Variants in PPFIA1 observed in about 807,000 individuals in gnomAD.
PPFIA1 encodes the protein liprin-alpha-1.
PPFIA1 carries 25 observed loss-of-function variants against 149.9 expected under a neutral mutation model. That is an observed-to-expected ratio of 0.17 (90% CI 0.12 to 0.23). PPFIA1 has a LOEUF of 0.23. Ranked by LOEUF, PPFIA1 falls within the 10% of genes least tolerant of loss-of-function variation. The pLI, the probability that PPFIA1 is intolerant of heterozygous loss-of-function variation, is 1.00. For synonymous variants in PPFIA1, 549 were observed against 552.8 expected, an observed-to-expected ratio of 0.99 and a Z score of 0.10; for missense variants, 1,362 against 1,506.5, an observed-to-expected ratio of 0.90 and a Z score of 1.59.
At position 70,356,165 on chromosome 11, in the gene PPFIA1, T is replaced by C. The variant is rs762348894; in HGVS notation, c.2493T>C (p.Gly831=). The change falls in exon 19 of 28, where the codon GGT becomes GGC. Residue 831 remains glycine (G), a synonymous_variant. Coordinates refer to ENST00000253925, the MANE Select transcript of PPFIA1 (RefSeq NM_003626.5). ...QTGKEALGQA[G]VSETDNSSQD... ...GGCTGTTCTGCTTCCTCACAGCTGG[T>C]GTTTCCGAGACGGATAACTCATCTC... The C allele has an allele frequency of 4.3e-6, 7 of 1,613,768 alleles. No homozygotes were observed. The highest frequency in any genetic ancestry group is 5.9e-6 in the Non-Finnish European group (7 of 1,179,774).
intron 2 of PPFIA1, among the ~76,000 whole-genome samples, chr11:70,305,457 G>A (rs946645964): frequency 6.6e-6 from 1 of 151,884 alleles, no homozygotes; most frequent in Middle Eastern, 3.2e-3. Flanking sequence ...CTGCAGCCTC[G>A]ACCTCCTGGG....
At chr11:70,376,956 G>A (rs916213415) in intron 25 of PPFIA1, among the ~76,000 whole-genome samples, 1 of 151,744 alleles carries the variant, frequency 6.6e-6, no homozygotes, top group Non-Finnish European at 1.5e-5. Context: ...GCCTATAATC[G>A]CAGCTACTTG....
At chr11:70,371,035 A>G (rs1424350889) in intron 21 of PPFIA1, among the ~76,000 whole-genome samples, 8 of 152,146 alleles carry the variant, frequency 5.3e-5, no homozygotes, top group Non-Finnish European at 7.3e-5. Flanking sequence ...CGGGAGGCTG[A>G]GGCCGGAGAA....
At chr11:70,351,168 C>T (rs1024939522) in intron 16 of PPFIA1, 1 of 295,136 alleles carries the variant, frequency 3.4e-6, no homozygotes, top group Non-Finnish European at 5.5e-6. Context: ...AGTGACCTAG[C>T]ACCTTACTGA....
At chr11:70,301,748 A>G (rs2052497585) in intron 2 of PPFIA1, among the ~76,000 whole-genome samples, 1 of 152,172 alleles carries the variant, frequency 6.6e-6, no homozygotes, top group Non-Finnish European at 1.5e-5. Flanking sequence ...ACCTTCGTTT[A>G]CAGTTGTGTA....
At chr11:70,277,545 C>T (rs1411557542) in intron 2 of PPFIA1, among the ~76,000 whole-genome samples, 1 of 151,150 alleles carries the variant, frequency 6.6e-6, no homozygotes, top group Non-Finnish European at 1.5e-5. Flanking sequence ...GGCTGAAGTG[C>T]AGTGGCACGA....
chr11:70,298,723 G>C lies in PPFIA1; in HGVS notation c.265-25679G>C, dbSNP rs114035236. ...AGAGCTTCCCTGCCTCCCCACCTTAGAGTGCTGGTTCTCCTGTGCTGTGAC... is the reference window on the plus strand; with the variant it reads ...AGAGCTTCCCTGCCTCCCCACCTTACAGTGCTGGTTCTCCTGTGCTGTGAC... On this transcript the variant is annotated intron_variant, in intron 2 of 27. Transcript: ENST00000253925. Among the ~76,000 whole-genome samples the C allele has an allele frequency of 1.9e-3, 292 of 152,238 alleles. 2 individuals are homozygous for C. Among genetic ancestry groups the C allele is most frequent in the African/African-American group, 6.5e-3 (271 of 41,530 alleles).
At chr11:70,359,454 T>C (rs1418230620) in intron 19 of PPFIA1, among the ~76,000 whole-genome samples, 4 of 152,214 alleles carry the variant, frequency 2.6e-5, no homozygotes, top group Non-Finnish European at 5.9e-5. Context: ...CACAGAACTG[T>C]ACTTGTGGTG....
chr11:70,308,480 T>A (rs2053029101), intron 2 of PPFIA1, among the ~76,000 whole-genome samples: 1 of 152,258 alleles, frequency 6.6e-6, no homozygotes, highest in Non-Finnish European at 1.5e-5. Flanking sequence ...ATATTTTATA[T>A]TCCTGTAAGC....
At chr11:70,324,341 A>G (rs1344320872) in intron 2 of PPFIA1, 61 bp from the exon 3 acceptor site, 4 of 1,296,936 alleles carry the variant, frequency 3.1e-6, no homozygotes, top group Non-Finnish European at 4.4e-6. Context: ...TGGAGCCTTG[A>G]TGAAAGGCTT....
chr11:70,372,197 TCC>T lies in PPFIA1; in HGVS notation c.2866-17_2866-16del, dbSNP rs1168232651. 2 of 1,587,388 alleles carry T rather than the reference TCC, an allele frequency of 1.3e-6. No individual in the cohort carries two copies. Among genetic ancestry groups the T allele is most frequent in the South Asian group, 1.2e-5 (1 of 86,562 alleles). ...GAGACTTCCTCTGTAACTGACCTTT[TCC>T]ATTTATGAAAAGCAGACACTCGCCT... is the stretch of plus-strand genomic sequence containing the variant. On this transcript the variant is annotated splice_polypyrimidine_tract_variant and intron_variant, in intron 21 of 27. Coordinates refer to ENST00000253925, the MANE Select transcript of PPFIA1 (RefSeq NM_003626.5).
chr11:70,280,641 C>T (rs560801381), intron 2 of PPFIA1, among the ~76,000 whole-genome samples: 1 of 152,308 alleles, frequency 6.6e-6, no homozygotes, highest in Admixed American at 6.5e-5. Flanking sequence ...GATCACTGTT[C>T]ACTGCAGCCT....
intron 2 of PPFIA1, among the ~76,000 whole-genome samples, chr11:70,289,446 C>G (rs1354218436): frequency 1.3e-5 from 2 of 152,132 alleles, no homozygotes; most frequent in African/African-American, 2.4e-5. Context: ...TTTTCCTTAT[C>G]TATGATATTC....
intron 2 of PPFIA1, among the ~76,000 whole-genome samples, chr11:70,302,733 G>A (rs1371542347): frequency 6.7e-6 from 1 of 149,870 alleles, no homozygotes; most frequent in South Asian, 2.1e-4. Context: ...TATCAGGAAT[G>A]TAAATGTAAA....
At chr11:70,325,401 A>G in intron 4 of PPFIA1, 99 bp from the exon 5 acceptor site, 1 of 683,950 alleles carries the variant, frequency 1.5e-6, no homozygotes, top group Admixed American at 2.9e-5. Flanking sequence ...TATTACACTA[A>G]TATATACATT....
intron 16 of PPFIA1, among the ~76,000 whole-genome samples, chr11:70,350,693 T>G (rs1297786333): frequency 6.6e-6 from 1 of 152,220 alleles, no homozygotes; most frequent in Non-Finnish European, 1.5e-5. Context: ...TAGAGAGGTT[T>G]GGCTTAGAAT....
At chr11:70,355,511 C>T in intron 17 of PPFIA1, 128 bp from the exon 18 acceptor site, 1 of 900,344 alleles carries the variant, frequency 1.1e-6, no homozygotes, top group Non-Finnish European at 1.7e-6. Context: ...CTTTATCATG[C>T]ATGATGCACT....
At chr11:70,367,441 C>T in intron 21 of PPFIA1, 2 of 450,160 alleles carry the variant, frequency 4.4e-6, no homozygotes, top group Admixed American at 2.4e-5. Context: ...GAGCAGGACA[C>T]CCATGGTCCC....
intron 16 of PPFIA1, chr11:70,350,064 G>T (rs767046258): frequency 7.4e-6 from 3 of 406,472 alleles, no homozygotes; most frequent in African/African-American, 6.3e-5. Flanking sequence ...GTGTGTGTTC[G>T]ATCATGTTTG....
Sources: allele counts gnomAD v4.1 joint callset (sites outside exome capture counted in the v4.1 genomes callset), GRCh38; gene constraint gnomAD v4.1.1; transcripts MANE v1.5; gene names NCBI Gene and HGNC (gene_info 2026-07-23, HGNC 2026-07-21).